The following SEMA4G variants were observed in gnomAD, a reference collection of about 807,000 sequenced individuals.
SEMA4G encodes semaphorin 4G.
A neutral mutation model predicts 81.2 loss-of-function variants in SEMA4G; 59 were observed. That is an observed-to-expected ratio of 0.73 (90% CI 0.59 to 0.90). The LOEUF is 0.90. Among genes scored for constraint, SEMA4G ranks in the 40% least tolerant of loss-of-function variants. The pLI is 0.00. For missense variants in SEMA4G, 952 were observed against 1,102.3 expected (o/e 0.86, Z 1.93); for synonymous variants, 404 against 433.9 (o/e 0.93, Z 0.86).
At position 100,980,112 on chromosome 10, in the gene SEMA4G, CCCA is replaced by C; in HGVS notation, c.1129-8_1129-6del. ...GTCCCGAGGTTCACCACCTTCGTCC[CCCA>C]CGCCAGTGTATCACAGATTCATTGC... On this transcript the variant is annotated splice_polypyrimidine_tract_variant and splice_region_variant and intron_variant, in intron 9 of 13. Transcript: ENST00000370250. The C allele has an allele frequency of 6.2e-7, 1 of 1,614,074 alleles. No homozygotes were observed. Among genetic ancestry groups the C allele is most frequent in the Non-Finnish European group, 8.5e-7 (1 of 1,179,904 alleles).
chr10:100,971,630 T>G (rs1384596802), upstream of SEMA4G, among the ~76,000 whole-genome samples: 1 of 152,080 alleles, frequency 6.6e-6, no homozygotes, highest in African/African-American at 2.4e-5. Context: ...TGAGATGGAA[T>G]GTATTAGGTC....
intron 7 of SEMA4G, 34 bp from the exon 9 acceptor site, chr10:100,979,068 C>G (rs770652450): frequency 6.2e-7 from 1 of 1,613,136 alleles, no homozygotes; most frequent in East Asian, 2.2e-5. Context: ...GACCTCTGAC[C>G]CTGGCCCCTT....
chr10:100,979,823 C>A, intron 8 of SEMA4G, 25 bp from the exon 10 acceptor site: 1 of 1,611,330 alleles, frequency 6.2e-7, no homozygotes, highest in Non-Finnish European at 8.5e-7. Flanking sequence ...GTAACTCACC[C>A]CCCTTGCCCT....
intron 3 of SEMA4G, among the ~76,000 whole-genome samples, chr10:100,974,128 G>A (rs1007617473): frequency 3.9e-5 from 6 of 151,914 alleles, no homozygotes; most frequent in Admixed American, 1.3e-4. Flanking sequence ...AGTTTGTCCC[G>A]CAGTGGCATC....
At position 100,973,699 on chromosome 10, in the gene SEMA4G, A is replaced by G; in HGVS notation, c.336+90A>G. ...TTGTTGGGGACACAGATGGGTAGGTACAGACCTGCCAGTCAATCTCAGCAA... is the reference window on the plus strand; with the variant it reads ...TTGTTGGGGACACAGATGGGTAGGTGCAGACCTGCCAGTCAATCTCAGCAA... On this transcript the variant is annotated intron_variant, in intron 3 of 13. Coordinates refer to ENST00000370250, the Ensembl canonical transcript of SEMA4G. The surrounding 1 kb of genome is among the most constrained non-coding windows in gnomAD (Gnocchi z 5.5). 8.6e-7 allele frequency: 1 copy of G among 1,167,484 alleles called. No individual in the cohort carries two copies. The highest frequency in any genetic ancestry group is 1.2e-6 in the Non-Finnish European group (1 of 805,880). 72.3% of individuals were successfully genotyped at this position (1,167,484 alleles called of 1,614,324 possible).
At chr10:100,982,260 A>G (rs1293330283) in intron 13 of SEMA4G, among the ~76,000 whole-genome samples, 1 of 152,040 alleles carries the variant, frequency 6.6e-6, no homozygotes, top group Non-Finnish European at 1.5e-5. Context: ...TGACAGGAGA[A>G]TAGGCTGGAC....
In SEMA4G at chr10:100,976,355, T is replaced by C. The variant is rs79062988; in HGVS notation, c.337-1277T>C. ...GGTCACTGATGAGCCGATACAGTGG[T>C]GTGATCCACTTGACTTTTTTTCAGA... On this transcript the variant is annotated intron_variant, in intron 3 of 13. Coordinates refer to ENST00000370250, the Ensembl canonical transcript of SEMA4G. 1.0e-2 allele frequency among the ~76,000 whole-genome samples: 1,518 copies of C among 152,274 alleles called. 24 individuals carry two copies. The highest frequency in any genetic ancestry group is 0.035 in the African/African-American group (1,433 of 41,536).
downstream of SEMA4G, chr10:100,985,355 T>A (rs796584525): frequency 9.6e-5 from 15 of 156,638 alleles, no homozygotes; most frequent in African/African-American, 3.6e-4. Context: ...CAATTCTGAC[T>A]GAGCTCCCCC....
intron 3 of SEMA4G, among the ~76,000 whole-genome samples, chr10:100,974,336 G>A (rs139065586): frequency 3.2e-4 from 49 of 152,148 alleles, no homozygotes; most frequent in African/African-American, 1.1e-3. Context: ...ATGCTGGCGT[G>A]CACCTGTAGT....
rs145690277 is a variant in SEMA4G at position 100,977,653 on chromosome 10, C to T, written c.358C>T (p.Arg120Trp). The T allele has an allele frequency of 1.1e-5, 17 of 1,613,910 alleles. No individual in the cohort carries two copies. The highest frequency in any genetic ancestry group is 5.3e-5 in the African/African-American group (4 of 74,896). Residue 120 changes from arginine to tryptophan, a missense_variant, in exon 4 of 14, where the codon CGG becomes TGG. This residue lies in a region of SEMA4G where 436 missense variants were observed against 488.2 expected (regional missense o/e 0.89). Coordinates refer to ENST00000370250, the Ensembl canonical transcript of SEMA4G. ...ACAGACGGAGTGCTTTAACCATGTG[C>T]GGTTCCTGCAGCGGCTCAATTCTAC...
chr10:100,981,530 G>T, intron 13 of SEMA4G: 2 of 1,614,026 alleles, frequency 1.2e-6, no homozygotes, highest in South Asian at 2.2e-5. Context: ...AAGATCGGAT[G>T]ACTGAACTGA....
At chr10:100,983,180 C>A in intron 13 of SEMA4G, 125 bp from the exon 15 acceptor site, 1 of 1,163,512 alleles carries the variant, frequency 8.6e-7, no homozygotes, top group Non-Finnish European at 1.2e-6. Flanking sequence ...GAGCCTGGGT[C>A]AGCTGTCACT....
chr10:100,969,985 CG>C, upstream of SEMA4G: 3 of 427,676 alleles, frequency 7.0e-6, no homozygotes, highest in South Asian at 1.6e-5. Flanking sequence ...GAGGGGGTCC[CG>C]GGGGAGGGGC....
chr10:100,978,262 G>C (rs529001904), intron 4 of SEMA4G, 33 bp from the exon 6 acceptor site: 3 of 1,561,314 alleles, frequency 1.9e-6, no homozygotes, highest in African/African-American at 2.7e-5. Context: ...GCCTGTCTTC[G>C]GAACCACTTA....
At chr10:100,979,905 C>A in exon 9 of SEMA4G, 1 of 1,614,110 alleles carries the variant, frequency 6.2e-7, no homozygotes, top group Non-Finnish European at 8.5e-7. Context: ...TCCAGGCTGT[C>A]TTTGCAGGAC....
chr10:100,973,303 CA>C lies in SEMA4G; in HGVS notation c.273+27del. 6.2e-7 allele frequency: 1 copy of C among 1,610,546 alleles called. No homozygotes were observed. Among genetic ancestry groups the C allele is most frequent in the Admixed American group, 1.7e-5 (1 of 59,976 alleles). On this transcript the variant is annotated intron_variant, in intron 2 of 13. Coordinates refer to ENST00000370250, the Ensembl canonical transcript of SEMA4G. This position sits in a 1 kb window ranked among gnomAD's most constrained non-coding sequence, Gnocchi z 5.5. ...GTCAGGCCCTGGAACCTGGACCACC[CA>C]GAGGGTCTCTATGCTTATCCAGCTC...
At chr10:100,980,956 C>T (rs780011724) in exon 12 of SEMA4G, 173 of 1,606,596 alleles carry the variant, frequency 1.1e-4, no homozygotes, top group South Asian at 6.2e-4. Flanking sequence ...CCCATGCCTG[C>T]GCAGCAGCCA....
At chr10:100,978,346 T>G (rs1564794890) in exon 5 of SEMA4G, 1 of 1,613,742 alleles carries the variant, frequency 6.2e-7, no homozygotes, top group East Asian at 2.2e-5. Context: ...GAAGGAGAAG[T>G]GTCCTTATGA....
chr10:100,978,599 A>T, exon 6 of SEMA4G: 1 of 1,613,482 alleles, frequency 6.2e-7, no homozygotes, highest in Non-Finnish European at 8.5e-7. Context: ...CGCCACCCAC[A>T]CTCCCTGAGA....
Sources: allele counts gnomAD v4.1 joint callset (sites outside exome capture counted in the v4.1 genomes callset), GRCh38; gene constraint gnomAD v4.1.1; regional missense constraint gnomAD v4.1.1; non-coding constraint Gnocchi (gnomAD v3.1); transcripts MANE v1.5; gene names NCBI Gene and HGNC (gene_info 2026-07-23, HGNC 2026-07-21).